ZNF385B: variants seen among roughly 807,000 people sequenced by gnomAD.
ZNF385B encodes zinc finger protein 533.
Under a neutral mutation model 39.2 loss-of-function variants are expected in ZNF385B, and 23 were observed. The ratio of observed to expected loss-of-function variants is 0.59; its 90% CI spans 0.42 to 0.83. The LOEUF (loss-of-function observed/expected upper bound fraction) is 0.83. Among genes scored for constraint, ZNF385B ranks in the 40% least tolerant of loss-of-function variants. The pLI is 0.00. For synonymous variants in ZNF385B, 205 were observed against 222.6 expected, an observed-to-expected ratio of 0.92 and a Z score of 0.70; for missense variants, 552 against 598.9, an observed-to-expected ratio of 0.92 and a Z score of 0.82.
chr2:179,746,159 G>T, intron 3 of ZNF385B: 1 of 400,998 alleles, frequency 2.5e-6, no homozygotes, highest in Non-Finnish European at 3.4e-6. Flanking sequence ...AGAAGGATGT[G>T]ATTATGAAAG....
rs561891387 is a variant in ZNF385B at position 179,459,416 on chromosome 2, A to G, written c.716-12646T>C. On this transcript the variant is annotated intron_variant, in intron 6 of 9. Coordinates refer to ENST00000410066, the MANE Select transcript of ZNF385B (RefSeq NM_152520.6). ...ATGAAATTAATATCATTTCACCAAG[A>G]AAGTCTCCCTCTAGAAATCTGTCCT... Among the ~76,000 whole-genome samples, 131 of 152,296 alleles carry G rather than the reference A, an allele frequency of 8.6e-4. 2 individuals carry two copies. The highest frequency in any genetic ancestry group is 8.5e-3 in the South Asian group (41 of 4,828).
intron 5 of ZNF385B, among the ~76,000 whole-genome samples, chr2:179,517,442 A>G (rs1338727000): frequency 6.6e-6 from 1 of 151,958 alleles, no homozygotes; most frequent in African/African-American, 2.4e-5. Context: ...ATCATGTACC[A>G]AAAAATTCAT....
At chr2:179,750,327 G>C (rs1054114684) in intron 3 of ZNF385B, among the ~76,000 whole-genome samples, 3 of 152,032 alleles carry the variant, frequency 2.0e-5, no homozygotes, top group African/African-American at 7.2e-5. Context: ...AAATTTATCT[G>C]GGGAGAACAG....
intron 3 of ZNF385B, among the ~76,000 whole-genome samples, chr2:179,629,875 G>A (rs147107039): frequency 6.6e-6 from 1 of 152,336 alleles, no homozygotes; most frequent in Non-Finnish European, 1.5e-5. Context: ...ACCATGCCTG[G>A]CTCAGCGGGT....
intron 3 of ZNF385B, among the ~76,000 whole-genome samples, chr2:179,667,286 A>T (rs1194464847): frequency 6.6e-6 from 1 of 152,212 alleles, no homozygotes; most frequent in Admixed American, 6.5e-5. Context: ...AGCTTAAAAC[A>T]GTCTGGAAAC....
chr2:179,617,034 G>T (rs1689809043), intron 3 of ZNF385B, among the ~76,000 whole-genome samples: 1 of 152,118 alleles, frequency 6.6e-6, no homozygotes, highest in South Asian at 2.1e-4. Context: ...TTAGTGTGGT[G>T]TCTGTTACCT....
chr2:179,739,843 T>C, intron 3 of ZNF385B, among the ~76,000 whole-genome samples: 1 of 152,224 alleles, frequency 6.6e-6, no homozygotes, highest in South Asian at 2.1e-4. Flanking sequence ...TCAGAGCCCA[T>C]TACAGGATTT....
At chr2:179,771,603 T>G (rs1392887900) in intron 1 of ZNF385B, among the ~76,000 whole-genome samples, 1 of 152,176 alleles carries the variant, frequency 6.6e-6, no homozygotes, top group Non-Finnish European at 1.5e-5. Flanking sequence ...CAGCTATAAT[T>G]GAAATGGGGT....
chr2:179,483,153 T>G, intron 6 of ZNF385B, 119 bp downstream of exon 6: 1 of 1,123,060 alleles, frequency 8.9e-7, no homozygotes, highest in African/African-American at 1.6e-5. Context: ...GAAAACATAT[T>G]AATATCACAA....
chr2:179,535,538 A>C (rs1446525509), intron 4 of ZNF385B, among the ~76,000 whole-genome samples: 1 of 152,182 alleles, frequency 6.6e-6, no homozygotes, highest in African/African-American at 2.4e-5. Context: ...CTGATTTGCA[A>C]AAAGGGCACA....
At chr2:179,498,521 C>T (rs371871909) in intron 5 of ZNF385B, among the ~76,000 whole-genome samples, 1 of 151,846 alleles carries the variant, frequency 6.6e-6, no homozygotes, top group African/African-American at 2.4e-5. Flanking sequence ...ACTAGAAATT[C>T]ATAACAAAAG....
intron 3 of ZNF385B, among the ~76,000 whole-genome samples, chr2:179,555,075 C>T (rs1374717925): frequency 6.7e-6 from 1 of 149,388 alleles, no homozygotes; most frequent in East Asian, 1.9e-4. Flanking sequence ...GGAAACTAGC[C>T]AGTTAATCTA....
At chr2:179,854,466 T>TAA (rs71401765) in intron 1 of ZNF385B, among the ~76,000 whole-genome samples, 28 of 143,356 alleles carry the variant, frequency 2.0e-4, no homozygotes, top group South Asian at 8.8e-4. Context: ...TAGGCTGCCA[T>TAA]AAAAAAAAAA....
chr2:179,642,894 G>A (rs1692393340), intron 3 of ZNF385B, among the ~76,000 whole-genome samples: 1 of 152,136 alleles, frequency 6.6e-6, no homozygotes, highest in African/African-American at 2.4e-5. Context: ...AAAATGGAAA[G>A]TATGCACTAA....
Position 179,443,134 on chromosome 2 carries a change from C to T in ZNF385B, c.*116G>A, listed in dbSNP as rs1574141935. ...TGGAATTGGGGGACTGGGTGGTGGG[C>T]TGCATTTTGTGGGTGAATGGGGGGT... On this transcript the variant is annotated 3_prime_UTR_variant, in exon 10 of 10. Coordinates refer to ENST00000410066, the MANE Select transcript of ZNF385B (RefSeq NM_152520.6). The T allele has an allele frequency of 9.0e-7, 1 of 1,108,764 alleles. No individual in the cohort carries two copies. The highest frequency in any genetic ancestry group is 1.3e-6 in the Non-Finnish European group (1 of 762,284). The allele number at this position is 1,108,764 out of a possible 1,614,324, so 68.7% of individuals were successfully genotyped here.
intron 1 of ZNF385B, among the ~76,000 whole-genome samples, chr2:179,786,228 T>C (rs189214232): frequency 6.6e-6 from 1 of 152,276 alleles, no homozygotes; most frequent in Admixed American, 6.5e-5. Flanking sequence ...GAGAAACCAA[T>C]AAATCTGTGT....
At chr2:179,765,879 A>G (rs1318036051) in intron 3 of ZNF385B, among the ~76,000 whole-genome samples, 1 of 152,134 alleles carries the variant, frequency 6.6e-6, no homozygotes, top group African/African-American at 2.4e-5. Flanking sequence ...TTTTATATGC[A>G]AACTAAGTTA....
At chr2:179,513,499 C>T (rs2105784949) in intron 5 of ZNF385B, among the ~76,000 whole-genome samples, 1 of 152,278 alleles carries the variant, frequency 6.6e-6, no homozygotes, top group East Asian at 1.9e-4. Flanking sequence ...AAGAAAATGG[C>T]TGACATCAAA....
At chr2:179,560,649 TTCTCTCCTGTA>T (rs2061270106) in intron 3 of ZNF385B, among the ~76,000 whole-genome samples, 2 of 152,112 alleles carry the variant, frequency 1.3e-5, no homozygotes, top group Admixed American at 1.3e-4. Flanking sequence ...TCTCTCCTGT[TTCTCTCCTGTA>T]TGTAGCATCT....
Sources: gnomAD v4.1 joint callset for allele counts (sites outside exome capture counted in the v4.1 genomes callset) on GRCh38, gnomAD v4.1.1 for gene constraint, MANE v1.5 for transcripts, NCBI Gene and HGNC (gene_info 2026-07-23, HGNC 2026-07-21) for gene names.